The following TTK variants were observed in gnomAD, a reference collection of about 807,000 sequenced individuals.
TTK encodes dual specificity protein kinase TTK.
TTK carries 59 observed loss-of-function variants against 117.3 expected under a neutral mutation model. The observed-to-expected ratio is 0.50, with a 90% CI of 0.41 to 0.62. The LOEUF (loss-of-function observed/expected upper bound fraction) is 0.62. Among genes scored for constraint, TTK ranks in the 20% least tolerant of loss-of-function variants. TTK has a pLI of 0.00. For synonymous variants in TTK, 302 were observed against 325.0 expected, an observed-to-expected ratio of 0.93 and a Z score of 0.76; for missense variants, 921 against 989.4, an observed-to-expected ratio of 0.93 and a Z score of 0.93.
intron 14 of TTK, 62 bp from the exon 15 acceptor site, chr6:80,034,923 G>T: frequency 7.9e-7 from 1 of 1,265,072 alleles, no homozygotes; most frequent in Non-Finnish European, 1.0e-6. Flanking sequence ...AATAAATTTA[G>T]AATCATTGTG....
intron 14 of TTK, among the ~76,000 whole-genome samples, chr6:80,031,943 A>G (rs1303148933): frequency 6.6e-6 from 1 of 152,140 alleles, no homozygotes; most frequent in African/African-American, 2.4e-5. Flanking sequence ...TTACTAATGG[A>G]TTTTGTTTTC....
intron 1 of TTK, among the ~76,000 whole-genome samples, chr6:80,005,424 CAAGT>C (rs1317904531): frequency 1.3e-5 from 2 of 152,194 alleles, no homozygotes; most frequent in Non-Finnish European, 2.9e-5. Flanking sequence ...AAGATTTACT[CAAGT>C]AAAGCAGGCG....
chr6:80,035,154 T>G lies in TTK; in HGVS notation c.1772+12T>G. ...CGACTTTATGATTAGTAAGAATTCTTTTTAAATTTAAAAAGAAAACTTTTT... is the reference window on the plus strand; with the variant it reads ...CGACTTTATGATTAGTAAGAATTCTGTTTAAATTTAAAAAGAAAACTTTTT... On this transcript the variant is annotated intron_variant, in intron 15 of 21. Transcript: ENST00000369798. 1.3e-6 allele frequency: 2 copies of G among 1,544,168 alleles called. No individual in the cohort carries two copies. The highest frequency in any genetic ancestry group is 1.7e-6 in the Non-Finnish European group (2 of 1,150,580).
intron 20 of TTK, 54 bp from the exon 21 acceptor site, chr6:80,040,552 A>G (rs1768020617): frequency 1.3e-6 from 2 of 1,491,466 alleles, no homozygotes; most frequent in Non-Finnish European, 1.8e-6. Flanking sequence ...GTGTATTTAC[A>G]ATGGACTTAT....
In TTK at chr6:80,017,706, T is replaced by C. The variant is rs568058677; in HGVS notation, c.1108+3120T>C. On this transcript the variant is annotated intron_variant, in intron 10 of 21. Transcript: ENST00000369798. ...ATTTCCATATAAACACTAGAATCTATCTTTTGGTTACCACTTTTAAAACAT... is the reference window on the plus strand; with the variant it reads ...ATTTCCATATAAACACTAGAATCTACCTTTTGGTTACCACTTTTAAAACAT... 2.3e-4 allele frequency among the ~76,000 whole-genome samples: 35 copies of C among 152,298 alleles called. No homozygotes were observed. The South Asian group carries it at 6.8e-3, about 30-fold the overall frequency.
At position 80,011,873 on chromosome 6, in the gene TTK, A is replaced by C. The variant is rs757686587; in HGVS notation, c.802-13A>C. 1 of 1,612,314 alleles carries C rather than the reference A, an allele frequency of 6.2e-7. No homozygotes were observed. Among genetic ancestry groups the C allele is most frequent in the Non-Finnish European group, 8.5e-7 (1 of 1,178,992 alleles). ...TTCCTAGTTGGTTATTTAATCTTTC[A>C]AAATATTTTTAGTCATGCCCATTTG... is the stretch of plus-strand genomic sequence containing the variant. On this transcript the variant is annotated splice_polypyrimidine_tract_variant and intron_variant, in intron 7 of 21. Coordinates refer to ENST00000369798, the MANE Select transcript of TTK (RefSeq NM_003318.5).
At chr6:80,032,285 C>T (rs551910093) in intron 14 of TTK, among the ~76,000 whole-genome samples, 6 of 152,092 alleles carry the variant, frequency 3.9e-5, no homozygotes, top group African/African-American at 1.2e-4. Context: ...CTTTTTTCCG[C>T]ACTTGGTTTG....
At chr6:80,006,851 T>A (rs940703858) in intron 2 of TTK, among the ~76,000 whole-genome samples, 3 of 152,154 alleles carry the variant, frequency 2.0e-5, no homozygotes, top group Non-Finnish European at 4.4e-5. Context: ...AAGTTATGCA[T>A]GCACTATATT....
chr6:80,040,797 A>ACTT, intron 21 of TTK, 94 bp downstream of exon 21: 1 of 1,038,932 alleles, frequency 9.6e-7, no homozygotes, highest in Non-Finnish European at 1.4e-6. Context: ...AGTTGGTCCA[A>ACTT]TCATCAGATC....
chr6:80,030,501 A>G (rs1338055562), intron 13 of TTK, among the ~76,000 whole-genome samples: 1 of 152,212 alleles, frequency 6.6e-6, no homozygotes, highest in African/African-American at 2.4e-5. Context: ...CACAGGCTGT[A>G]CAGTAGGCAT....
chr6:80,019,208 A>T (rs768309359), intron 10 of TTK, among the ~76,000 whole-genome samples: 1 of 152,212 alleles, frequency 6.6e-6, no homozygotes, highest in East Asian at 1.9e-4. Context: ...ACAAACTAGC[A>T]TAAGGTGAAA....
At chr6:80,026,308 T>C in intron 11 of TTK, 70 bp from the exon 12 acceptor site, 1 of 1,485,532 alleles carries the variant, frequency 6.7e-7, no homozygotes, top group South Asian at 1.3e-5. Flanking sequence ...AAAGTTATAA[T>C]ATTTGTAAAA....
At chr6:80,023,657 A>T (rs566258644) in intron 11 of TTK, among the ~76,000 whole-genome samples, 23 of 152,340 alleles carry the variant, frequency 1.5e-4, no homozygotes, top group African/African-American at 5.1e-4. Flanking sequence ...CTTTTATGAA[A>T]AATATGTATT....
At chr6:80,022,090 C>T (rs1463919717) in intron 10 of TTK, among the ~76,000 whole-genome samples, 2 of 152,110 alleles carry the variant, frequency 1.3e-5, no homozygotes, top group African/African-American at 4.8e-5. Context: ...GTGGCAAGGT[C>T]TCTGACAAAG....
chr6:80,012,655 G>A (rs969338335), intron 8 of TTK, among the ~76,000 whole-genome samples: 3 of 152,072 alleles, frequency 2.0e-5, no homozygotes, highest in African/African-American at 7.2e-5. Context: ...TTAGAAATAC[G>A]ATTGTTTTTC....
chr6:80,040,389 G>A (rs1473518903), intron 20 of TTK, 109 bp downstream of exon 20: 1 of 1,014,206 alleles, frequency 9.9e-7, no homozygotes, highest in Non-Finnish European at 1.4e-6. Flanking sequence ...TTGTCAGCCT[G>A]CCTTTTTCCT....
chr6:80,039,726 G>T lies in TTK; in HGVS notation c.2161G>T (p.Gly721Ter). ...ISPKSDVWSL[G>*]CILYYMTYGK... Reference sequence around the variant, plus strand: ...CCCCAAAAGTGATGTTTGGTCCTTAGGATGTATTTTGTACTATATGACTTA... The same window carrying T: ...CCCCAAAAGTGATGTTTGGTCCTTATGATGTATTTTGTACTATATGACTTA... Residue 721 changes from glycine to a stop codon, truncating the protein, a stop_gained, in exon 19 of 22, where the codon GGA becomes TGA. Coordinates refer to ENST00000369798, the MANE Select transcript of TTK (RefSeq NM_003318.5). LOFTEE classifies it high-confidence loss of function. 1 of 1,550,892 alleles carries T rather than the reference G, an allele frequency of 6.4e-7. No homozygotes were observed.
intron 1 of TTK, 110 bp from the exon 2 acceptor site, chr6:80,005,732 A>T (rs1320237929): frequency 2.6e-6 from 3 of 1,167,976 alleles, no homozygotes; most frequent in Non-Finnish European, 3.7e-6. Flanking sequence ...CTGCATTTAG[A>T]TGTGTTCACA....
intron 10 of TTK, among the ~76,000 whole-genome samples, chr6:80,020,398 A>G (rs1213719364): frequency 1.3e-5 from 2 of 152,224 alleles, no homozygotes; most frequent in Non-Finnish European, 2.9e-5. Context: ...TATAAGAAAA[A>G]TAAAAAAACA....
Sources: allele counts gnomAD v4.1 joint callset (sites outside exome capture counted in the v4.1 genomes callset), GRCh38; gene constraint gnomAD v4.1.1; transcripts MANE v1.5; gene names NCBI Gene and HGNC (gene_info 2026-07-23, HGNC 2026-07-21).